The following RANBP2 variants were observed in gnomAD, a reference collection of about 807,000 sequenced individuals.
RANBP2 encodes the protein RAN binding protein 2, also known as E3 SUMO-protein ligase RanBP2.
In RANBP2, 57 loss-of-function variants were observed where a neutral mutation model predicts 303.6. The observed-to-expected ratio is 0.19, with a 90% confidence interval of 0.15 to 0.23. The LOEUF is 0.23. RANBP2 is among the 10% of genes least tolerant of loss of function. RANBP2 has a pLI of 1.00. For synonymous variants in RANBP2, 1,167 were observed against 1,301.5 expected (o/e 0.90, Z 2.23); for missense variants, 3,138 against 3,780.8 (o/e 0.83, Z 4.46).
At chr2:108,729,090 T>G in intron 1 of RANBP2, 42 bp from the exon 2 acceptor site, 1 of 1,548,426 alleles carries the variant, frequency 6.5e-7, no homozygotes, top group South Asian at 1.1e-5. Flanking sequence ...TGTTGGAAAA[T>G]ATTTCTGTAT....
the RANBP2 span, among the ~76,000 whole-genome samples, chr2:109,592,855 A>C: frequency 6.6e-6 from 1 of 152,162 alleles, no homozygotes; most frequent in African/African-American, 2.4e-5. Context: ...ATACTCAATT[A>C]AGAATATTGT....
the RANBP2 span, among the ~76,000 whole-genome samples, chr2:108,877,011 T>C: frequency 6.6e-6 from 1 of 152,172 alleles, no homozygotes; most frequent in South Asian, 2.1e-4. Flanking sequence ...TAAAATCATA[T>C]ATGATCAGTG....
At chr2:109,506,071 T>C in the RANBP2 span, among the ~76,000 whole-genome samples, 1 of 152,222 alleles carries the variant, frequency 6.6e-6, no homozygotes, top group African/African-American at 2.4e-5. Context: ...GTAATTTGCC[T>C]TTACTGATTT....
the RANBP2 span, among the ~76,000 whole-genome samples, chr2:109,312,694 A>C: frequency 5.7e-4 from 87 of 152,352 alleles, no homozygotes; most frequent in Non-Finnish European, 9.3e-4. Context: ...CATAGAGTAT[A>C]TCAGAATTCC....
chr2:109,016,103 A>G, the RANBP2 span, among the ~76,000 whole-genome samples: 2 of 137,856 alleles, frequency 1.5e-5, no homozygotes, highest in Non-Finnish European at 3.3e-5. Context: ...TTGTTTTGAG[A>G]CGGAGTTTCG....
At chr2:109,100,212 C>G in the RANBP2 span, among the ~76,000 whole-genome samples, 1 of 152,188 alleles carries the variant, frequency 6.6e-6, no homozygotes, top group Non-Finnish European at 1.5e-5. Context: ...CAGTCTGTGG[C>G]CTGTTAGGAA....
the RANBP2 span, among the ~76,000 whole-genome samples, chr2:109,327,538 G>T: frequency 6.6e-6 from 1 of 152,120 alleles, no homozygotes; most frequent in Non-Finnish European, 1.5e-5. Flanking sequence ...ATTTAAATTG[G>T]AAATGCATTT....
At chr2:109,655,630 G>A in the RANBP2 span, among the ~76,000 whole-genome samples, 1 of 151,496 alleles carries the variant, frequency 6.6e-6, no homozygotes, top group Non-Finnish European at 1.5e-5. Flanking sequence ...AGAGACCCCT[G>A]CATCTTTATT....
chr2:109,316,833 C>T, the RANBP2 span, among the ~76,000 whole-genome samples: 2 of 152,216 alleles, frequency 1.3e-5, no homozygotes, highest in African/African-American at 2.4e-5. Flanking sequence ...CCTCTGGCTG[C>T]CGTGGGTCTT....
the RANBP2 span, among the ~76,000 whole-genome samples, chr2:109,088,239 A>G: frequency 2.0e-5 from 3 of 152,000 alleles, no homozygotes; most frequent in Admixed American, 6.5e-5. Flanking sequence ...TCTACTAAAA[A>G]TACAAAAATT....
chr2:108,897,259 T>C, the RANBP2 span: 1 of 1,595,750 alleles, frequency 6.3e-7, no homozygotes, highest in African/African-American at 1.3e-5. Context: ...CAGTTAGATG[T>C]TGCAAGTCAC....
the RANBP2 span, among the ~76,000 whole-genome samples, chr2:109,736,278 G>A: frequency 2.0e-5 from 3 of 152,096 alleles, no homozygotes; most frequent in Non-Finnish European, 4.4e-5. Flanking sequence ...AATAACTTCT[G>A]ACATTAAATC....
the RANBP2 span, among the ~76,000 whole-genome samples, chr2:109,428,872 G>A: frequency 0.51 from 78,006 of 151,590 alleles, 21,226 homozygotes; most frequent in African/African-American, 0.7. Context: ...GAGCCAGGAG[G>A]TTGTGAGCCC....
At chr2:109,503,222 C>G in the RANBP2 span, 5 of 152,216 alleles carry the variant, frequency 3.3e-5, no homozygotes, top group Non-Finnish European at 7.3e-5. Flanking sequence ...TATATTTTTA[C>G]AAATACCATT....
chr2:109,130,000 G>A, the RANBP2 span: 4 of 1,296,056 alleles, frequency 3.1e-6, no homozygotes, highest in Non-Finnish European at 2.9e-6. Context: ...GGGCGGCGGG[G>A]GCGGCGCGGC....
chr2:108,900,486 A>G, the RANBP2 span, among the ~76,000 whole-genome samples: 1 of 151,038 alleles, frequency 6.6e-6, no homozygotes, highest in Non-Finnish European at 1.5e-5. Context: ...CCTGGGAGGC[A>G]GAGGTTGCAG....
At chr2:109,378,771 C>T in the RANBP2 span, among the ~76,000 whole-genome samples, 1 of 152,208 alleles carries the variant, frequency 6.6e-6, no homozygotes, top group African/African-American at 2.4e-5. Context: ...GAGGCTTCCA[C>T]TCTGGAAGTT....
chr2:109,565,745 ATCCTTTG>A, the RANBP2 span: 1 of 1,596,660 alleles, frequency 6.3e-7, no homozygotes, highest in South Asian at 1.1e-5. Context: ...ATTTCTAGTC[ATCCTTTG>A]TCTCATTTAC....
the RANBP2 span, among the ~76,000 whole-genome samples, chr2:109,036,333 A>G: frequency 6.6e-6 from 1 of 152,354 alleles, no homozygotes; most frequent in South Asian, 2.1e-4. Flanking sequence ...TTCCTGGCTC[A>G]TTGTATAAGG....
Sources: allele counts gnomAD v4.1 joint callset (sites outside exome capture counted in the v4.1 genomes callset), GRCh38; gene constraint gnomAD v4.1.1; transcripts MANE v1.5; gene names NCBI Gene and HGNC (gene_info 2026-07-23, HGNC 2026-07-21).